Variants in CNBD1 observed in about 807,000 individuals in gnomAD.
CNBD1 encodes the protein cyclic nucleotide binding domain containing 1, also known as cyclic nucleotide-binding domain-containing protein 1.
CNBD1 carries 71 observed loss-of-function variants against 54.4 expected under a neutral mutation model. That is an observed-to-expected ratio of 1.30 (90% confidence interval 1.08 to 1.59). The LOEUF is 1.59. Ranked by LOEUF, CNBD1 falls within the 40% of genes most tolerant of loss-of-function variation. The probability of loss-of-function intolerance (pLI) is 0.00; values close to 1 mark genes in which losing one functional copy is unlikely to be tolerated. For synonymous variants in CNBD1, 182 were observed against 170.7 expected, an observed-to-expected ratio of 1.07 and a Z score of -0.51; for missense variants, 659 against 518.0, an observed-to-expected ratio of 1.27 and a Z score of -2.64.
Position 87,139,083 on chromosome 8 carries a change from T to C in CNBD1, c.432-66910T>C, listed in dbSNP as rs191705577. Among the ~76,000 whole-genome samples, 36 of 152,312 alleles carry C rather than the reference T, an allele frequency of 2.4e-4. No individual in the cohort carries two copies. The East Asian group carries it at 6.8e-3, about 29-fold the overall frequency. ...TTTTCATTCAAATTCTTGTTCTTGT[T>C]GTGAAAGGATGATATTGTGAAGGTG... is the stretch of plus-strand genomic sequence containing the variant. On this transcript the variant is annotated intron_variant, in intron 4 of 10. Coordinates refer to ENST00000518476, the MANE Select transcript of CNBD1 (RefSeq NM_173538.3).
intron 10 of CNBD1, among the ~76,000 whole-genome samples, chr8:87,358,402 C>T (rs1810461597): frequency 6.6e-6 from 1 of 152,096 alleles, no homozygotes; most frequent in Non-Finnish European, 1.5e-5. Flanking sequence ...TTACTAACCA[C>T]CAATTAAAAT....
intron 10 of CNBD1, among the ~76,000 whole-genome samples, chr8:87,373,749 C>A (rs1170790516): frequency 6.6e-6 from 1 of 151,542 alleles, no homozygotes; most frequent in African/African-American, 2.4e-5. Flanking sequence ...TCAAAACAAC[C>A]AAATGTTATA....
At chr8:87,406,051 T>C (rs1316685628) in intron 2 of CNBD1, among the ~76,000 whole-genome samples, 1 of 152,150 alleles carries the variant, frequency 6.6e-6, no homozygotes, top group African/African-American at 2.4e-5. Context: ...TGTTCTTAAA[T>C]ATTTATCAAC....
At chr8:87,083,585 C>CCTTTTTTTTTTTTT (rs1563461724) in intron 4 of CNBD1, among the ~76,000 whole-genome samples, 1 of 117,162 alleles carries the variant, frequency 8.5e-6, no homozygotes. Flanking sequence ...CAATGTATTT[C>CCTTTTTTTTTTTTT]TTTTTTTTTT....
At chr8:87,089,536 A>C (rs1317321569) in intron 4 of CNBD1, among the ~76,000 whole-genome samples, 1 of 152,110 alleles carries the variant, frequency 6.6e-6, no homozygotes, top group Non-Finnish European at 1.5e-5. Context: ...GTTGGGGATT[A>C]AGAGACATAT....
chr8:86,915,173 G>A (rs1809163792), intron 3 of CNBD1, among the ~76,000 whole-genome samples: 1 of 152,188 alleles, frequency 6.6e-6, no homozygotes, highest in South Asian at 2.1e-4. Flanking sequence ...CCATAGGAAT[G>A]TGGGAAATGG....
At position 87,019,664 on chromosome 8, in the gene CNBD1, C is replaced by T. The variant is rs190087837; in HGVS notation, c.431+79910C>T. On this transcript the variant is annotated intron_variant, in intron 4 of 10. Coordinates refer to ENST00000518476, the MANE Select transcript of CNBD1 (RefSeq NM_173538.3). ...AGGCCGAGGTGGGCGGATCACCTAA[C>T]GTCGGGAGTTCGAGACCAGCCTGGC... Among the ~76,000 whole-genome samples, 653 of 152,100 alleles carry T rather than the reference C, an allele frequency of 4.3e-3. 5 individuals carry two copies. Among genetic ancestry groups the T allele is most frequent in the African/African-American group, 0.015 (623 of 41,492 alleles).
intron 2 of CNBD1, among the ~76,000 whole-genome samples, chr8:87,409,198 C>T (rs536679848): frequency 5.3e-5 from 8 of 152,064 alleles, no homozygotes; most frequent in East Asian, 3.9e-4. Context: ...AGTTTTACTC[C>T]GGTAAACATG....
chr8:87,029,734 C>T (rs1316050949), intron 4 of CNBD1, among the ~76,000 whole-genome samples: 1 of 151,920 alleles, frequency 6.6e-6, no homozygotes. Flanking sequence ...AAATGGATCA[C>T]TGGGAGAAAA....
chr8:87,383,023 C>G (rs1362876797), downstream of CNBD1, among the ~76,000 whole-genome samples: 1 of 151,776 alleles, frequency 6.6e-6, no homozygotes, highest in Non-Finnish European at 1.5e-5. Context: ...GATTGAGGAC[C>G]ACATGTGCCT....
At chr8:87,149,001 A>C (rs1256088320) in intron 4 of CNBD1, among the ~76,000 whole-genome samples, 1 of 152,180 alleles carries the variant, frequency 6.6e-6, no homozygotes, top group African/African-American at 2.4e-5. Flanking sequence ...CACCATTCCC[A>C]CCACAGTCAT....
chr8:87,246,307 G>A (rs534277338), intron 6 of CNBD1, among the ~76,000 whole-genome samples: 1 of 152,136 alleles, frequency 6.6e-6, no homozygotes, highest in Admixed American at 6.6e-5. Flanking sequence ...GACTGGGAAT[G>A]AGAAGCTTTT....
At chr8:87,330,685 G>A (rs774723949) in intron 8 of CNBD1, among the ~76,000 whole-genome samples, 4 of 152,016 alleles carry the variant, frequency 2.6e-5, no homozygotes, top group Non-Finnish European at 5.9e-5. Context: ...CATTTTTAAG[G>A]TTGGTTTTAT....
intron 4 of CNBD1, among the ~76,000 whole-genome samples, chr8:86,949,953 T>TTTGTTG: frequency 1.2e-5 from 1 of 83,772 alleles, no homozygotes; most frequent in African/African-American, 4.4e-5. Flanking sequence ...AATGCTTTTT[T>TTTGTTG]TTTTTTTTTT....
Position 87,116,195 on chromosome 8 carries a change from C to CTTTT in CNBD1, c.432-89777_432-89774dup, listed in dbSNP as rs71556428. On this transcript the variant is annotated intron_variant, in intron 4 of 10. Coordinates refer to ENST00000518476, the MANE Select transcript of CNBD1 (RefSeq NM_173538.3). ...TTGCTATTTTATTCTATTCTCATGT[C>CTTTT]TTTTTTTTTTTTTTTTTTTTTTTTG... Among the ~76,000 whole-genome samples the CTTTT allele has an allele frequency of 3.1e-3, 233 of 74,528 alleles. 1 individual carries two copies. Among genetic ancestry groups the CTTTT allele is most frequent in the Non-Finnish European group, 3.5e-3 (146 of 41,668 alleles). The allele number at this position is 74,528 out of a possible 152,430, so 48.9% of individuals were successfully genotyped here.
chr8:87,121,219 A>G (rs1034206999), intron 4 of CNBD1, among the ~76,000 whole-genome samples: 11 of 151,956 alleles, frequency 7.2e-5, no homozygotes, highest in South Asian at 2.1e-4. Context: ...ACAAACTACA[A>G]GTTATTTCCA....
intron 8 of CNBD1, among the ~76,000 whole-genome samples, chr8:87,332,280 G>A (rs576072136): frequency 1.4e-4 from 21 of 152,048 alleles, no homozygotes; most frequent in Middle Eastern, 3.4e-3. Context: ...CGCAGGAGGC[G>A]GAGGTTGCAG....
chr8:87,240,351 T>C (rs546396631), intron 6 of CNBD1, among the ~76,000 whole-genome samples: 2 of 152,290 alleles, frequency 1.3e-5, no homozygotes, highest in African/African-American at 4.8e-5. Flanking sequence ...AATATATTAA[T>C]ATATTCAACA....
chr8:87,201,299 G>A (rs1323726853), intron 4 of CNBD1, among the ~76,000 whole-genome samples: 1 of 152,108 alleles, frequency 6.6e-6, no homozygotes. Context: ...AAGACTGAAT[G>A]ATTTCTGTTG....
Sources: gnomAD v4.1 joint callset for allele counts (sites outside exome capture counted in the v4.1 genomes callset) on GRCh38, gnomAD v4.1.1 for gene constraint, MANE v1.5 for transcripts, NCBI Gene and HGNC (gene_info 2026-07-23, HGNC 2026-07-21) for gene names.